RASAL2: variants seen among roughly 807,000 people sequenced by gnomAD.
RASAL2 encodes the protein ras GTPase-activating protein nGAP.
RASAL2 carries 58 observed loss-of-function variants against 128.9 expected under a neutral mutation model. The observed-to-expected ratio is 0.45, with a 90% CI of 0.36 to 0.56. The LOEUF is 0.56. Among genes scored for constraint, RASAL2 ranks in the 20% least tolerant of loss-of-function variants. The probability of loss-of-function intolerance (pLI) is 0.00; values close to 1 mark genes in which losing one functional copy is unlikely to be tolerated. For synonymous variants in RASAL2, 561 were observed against 580.8 expected (o/e 0.97, Z 0.49); for missense variants, 1,360 against 1,601.6 (o/e 0.85, Z 2.57).
At chr1:178,298,632 T>C (rs977938550) in intron 2 of RASAL2, among the ~76,000 whole-genome samples, 2 of 152,228 alleles carry the variant, frequency 1.3e-5, no homozygotes, top group African/African-American at 4.8e-5. Context: ...ATGTCCATTA[T>C]AATCATTTGA....
intron 1 of RASAL2, among the ~76,000 whole-genome samples, chr1:178,175,668 G>GTTT (rs71567182): frequency 6.2e-5 from 9 of 145,846 alleles, no homozygotes; most frequent in Admixed American, 1.4e-4. Flanking sequence ...CTATATGTAG[G>GTTT]TTTTTTTTTT....
intron 1 of RASAL2, among the ~76,000 whole-genome samples, chr1:178,225,980 A>G (rs1021741812): frequency 6.6e-6 from 1 of 152,126 alleles, no homozygotes; most frequent in Non-Finnish European, 1.5e-5. Flanking sequence ...TTTCAGGCAA[A>G]TGTTCTCATT....
intron 3 of RASAL2, among the ~76,000 whole-genome samples, chr1:178,305,898 GC>G (rs1192964462): frequency 2.0e-5 from 3 of 152,190 alleles, no homozygotes; most frequent in Non-Finnish European, 2.9e-5. Flanking sequence ...AGTAGCACTA[GC>G]AAAGGAAGAA....
At position 178,357,888 on chromosome 1, in the gene RASAL2, G is replaced by A. The variant is rs190387516; in HGVS notation, c.458-32212G>A. Reference sequence around the variant, plus strand: ...ATATAACAACAAATTTAGATTAAGAGTTGTGGTTGGGGTTGGTATTCAAGT... The same window carrying A: ...ATATAACAACAAATTTAGATTAAGAATTGTGGTTGGGGTTGGTATTCAAGT... On this transcript the variant is annotated intron_variant, in intron 3 of 17. Coordinates refer to ENST00000367649, the MANE Select transcript of RASAL2 (RefSeq NM_170692.4). Among the ~76,000 whole-genome samples, 7 of 152,148 alleles carry A rather than the reference G, an allele frequency of 4.6e-5. No homozygotes were observed. In the East Asian group the frequency reaches 9.6e-4, roughly 21 times the overall value.
chr1:178,331,359 C>T lies in RASAL2; in HGVS notation c.457+31241C>T, dbSNP rs1436756521. Among the ~76,000 whole-genome samples, 3 of 152,026 alleles carry T rather than the reference C, an allele frequency of 2.0e-5. 1 individual carries two copies. Among genetic ancestry groups the T allele is most frequent in the African/African-American group, 7.2e-5 (3 of 41,398 alleles). On this transcript the variant is annotated intron_variant, in intron 3 of 17. Coordinates refer to ENST00000367649, the MANE Select transcript of RASAL2 (RefSeq NM_170692.4). ...ACTAAGAGGCAGCGTTCTATACTCC[C>T]GTGTCCTATGACATTGTCAGTGGTT...
intron 1 of RASAL2, among the ~76,000 whole-genome samples, chr1:178,223,134 A>G (rs1354184454): frequency 1.3e-5 from 2 of 152,180 alleles, no homozygotes; most frequent in African/African-American, 4.8e-5. Flanking sequence ...TTATTAATTA[A>G]TTCAACAAAT....
chr1:178,318,694 C>T (rs1442624570), intron 3 of RASAL2, among the ~76,000 whole-genome samples: 7 of 151,762 alleles, frequency 4.6e-5, no homozygotes, highest in Non-Finnish European at 7.4e-5. Flanking sequence ...TGTCTCTGCA[C>T]GTGAGATGGG....
rs570121925 is a variant in RASAL2 at position 178,408,697 on chromosome 1, T to G, written c.565-11814T>G. 2.3e-3 allele frequency among the ~76,000 whole-genome samples: 351 copies of G among 151,800 alleles called. 5 individuals are homozygous for G. The highest frequency in any genetic ancestry group is 1.0e-3 in the Non-Finnish European group (69 of 68,004). On this transcript the variant is annotated intron_variant, in intron 4 of 17. Coordinates refer to ENST00000367649, the MANE Select transcript of RASAL2 (RefSeq NM_170692.4). ...ATTTCTGGCTGTTTATGATACATAA[T>G]TCTATAATAAGGTATGTGTAGAAGT...
At chr1:178,320,468 G>T (rs1221258696) in intron 3 of RASAL2, among the ~76,000 whole-genome samples, 1 of 152,124 alleles carries the variant, frequency 6.6e-6, no homozygotes, top group African/African-American at 2.4e-5. Flanking sequence ...AGGACCCTCC[G>T]AGCCAGGTGT....
At chr1:178,168,100 A>G (rs554536814) in intron 1 of RASAL2, among the ~76,000 whole-genome samples, 171 of 152,210 alleles carry the variant, frequency 1.1e-3, no homozygotes, top group African/African-American at 3.4e-3. Context: ...TTCTGGCAAA[A>G]CAGGCAGAAA....
intron 1 of RASAL2, among the ~76,000 whole-genome samples, chr1:178,229,054 C>CA (rs1663895555): frequency 6.6e-6 from 1 of 152,144 alleles, no homozygotes; most frequent in Admixed American, 6.5e-5. Context: ...TACTTAGATT[C>CA]AACAACTGTG....
At chr1:178,179,452 C>T (rs547384732) in intron 1 of RASAL2, among the ~76,000 whole-genome samples, 3 of 152,090 alleles carry the variant, frequency 2.0e-5, no homozygotes, top group African/African-American at 4.8e-5. Flanking sequence ...GAAGAGTCCA[C>T]CTCTTCAACT....
rs147219754 is a variant in RASAL2 at position 178,260,862 on chromosome 1, A to T, written c.203-22702A>T. 2.0e-5 allele frequency among the ~76,000 whole-genome samples: 3 copies of T among 152,250 alleles called. No individual in the cohort carries two copies. The East Asian group carries it at 5.8e-4, about 29-fold the overall frequency. Reference sequence around the variant, plus strand: ...ACCCATCAGTTGTAAGCTTATCATAAATCAGTGATTTGTTCCCAAATTTGG... The same window carrying T: ...ACCCATCAGTTGTAAGCTTATCATATATCAGTGATTTGTTCCCAAATTTGG... On this transcript the variant is annotated intron_variant, in intron 1 of 17. Coordinates refer to ENST00000367649, the MANE Select transcript of RASAL2 (RefSeq NM_170692.4).
chr1:178,268,946 A>T (rs1490765337), intron 1 of RASAL2, among the ~76,000 whole-genome samples: 2 of 152,090 alleles, frequency 1.3e-5, no homozygotes, highest in Admixed American at 1.3e-4. Context: ...CTGTTTTTTT[A>T]AATACTGTAT....
chr1:178,224,243 T>C (rs1326403588), intron 1 of RASAL2, among the ~76,000 whole-genome samples: 1 of 151,106 alleles, frequency 6.6e-6, no homozygotes, highest in African/African-American at 2.4e-5. Context: ...TTTTTTTTAA[T>C]ATTTAAAGGT....
chr1:178,190,152 T>C (rs1465625106), intron 1 of RASAL2, among the ~76,000 whole-genome samples: 1 of 152,214 alleles, frequency 6.6e-6, no homozygotes, highest in African/African-American at 2.4e-5. Context: ...CACAGGTATA[T>C]ACTGTGTATT....
intron 3 of RASAL2, among the ~76,000 whole-genome samples, chr1:178,385,493 G>A (rs1022896226): frequency 6.6e-6 from 1 of 151,802 alleles, no homozygotes; most frequent in Admixed American, 6.6e-5. Flanking sequence ...CTTTCAATAC[G>A]ATTTGTACCT....
intron 1 of RASAL2, among the ~76,000 whole-genome samples, chr1:178,268,729 G>C (rs2102163104): frequency 6.6e-6 from 1 of 152,252 alleles, no homozygotes; most frequent in Non-Finnish European, 1.5e-5. Context: ...GAGTAGCTAG[G>C]ACGACAGGCA....
rs796329539 is a variant in RASAL2, at chr1:178,116,532, C to CT, written c.202+21849dup. On this transcript the variant is annotated intron_variant, in intron 1 of 17. Coordinates refer to ENST00000367649, the MANE Select transcript of RASAL2 (RefSeq NM_170692.4). ...GGTTATTAACCATTATTAAACATTA[C>CT]TTTTTTTTTTTAAAGGAGGAACTAC... Among the ~76,000 whole-genome samples the CT allele has an allele frequency of 5.0e-3, 740 of 146,706 alleles. 5 individuals are homozygous for CT. The highest frequency in any genetic ancestry group is 0.014 in the African/African-American group (583 of 40,396).
Sources: gnomAD v4.1 joint callset for allele counts (sites outside exome capture counted in the v4.1 genomes callset) on GRCh38, gnomAD v4.1.1 for gene constraint, MANE v1.5 for transcripts, NCBI Gene and HGNC (gene_info 2026-07-23, HGNC 2026-07-21) for gene names.